Variants in HAS1 observed in about 807,000 individuals in gnomAD.
HAS1 encodes the protein hyaluronan synthase 1.
A neutral mutation model predicts 35.0 loss-of-function variants in HAS1; 27 were observed. The ratio of observed to expected loss-of-function variants is 0.77; its 90% CI spans 0.57 to 1.06. The LOEUF (loss-of-function observed/expected upper bound fraction) is 1.06, where lower values mean the gene tolerates loss of function less well. Ranked by LOEUF, HAS1 falls within the 50% of genes least tolerant of loss-of-function variation. HAS1 has a pLI of 0.00. For synonymous variants in HAS1, 409 were observed against 371.2 expected, an observed-to-expected ratio of 1.10 and a Z score of -1.17; for missense variants, 940 against 814.8, an observed-to-expected ratio of 1.15 and a Z score of -1.87.
intron 1 of HAS1, among the ~76,000 whole-genome samples, chr19:51,721,354 A>G (rs1177280493): frequency 6.6e-6 from 1 of 152,018 alleles, no homozygotes; most frequent in Non-Finnish European, 1.5e-5. Flanking sequence ...CCACTGCCCA[A>G]CTCCCCAGCA....
chr19:51,715,661 T>A (rs898456096), intron 4 of HAS1, among the ~76,000 whole-genome samples: 1 of 152,196 alleles, frequency 6.6e-6, no homozygotes, highest in Non-Finnish European at 1.5e-5. Context: ...TTATCCCAAG[T>A]TTCCTCTGGG....
chr19:51,718,777 T>G (rs546876350), intron 2 of HAS1, among the ~76,000 whole-genome samples: 11 of 152,312 alleles, frequency 7.2e-5, no homozygotes, highest in Non-Finnish European at 1.2e-4. Context: ...CCTCAGGTGA[T>G]CCGCCCACCT....
At chr19:51,720,367 C>T (rs1383905927) in intron 1 of HAS1, among the ~76,000 whole-genome samples, 5 of 152,244 alleles carry the variant, frequency 3.3e-5, no homozygotes, top group East Asian at 1.9e-4. Context: ...TTGCCTGCCC[C>T]GGCCTTCCTA....
chr19:51,720,435 C>T (rs750857401), intron 1 of HAS1, among the ~76,000 whole-genome samples: 9 of 152,156 alleles, frequency 5.9e-5, no homozygotes, highest in Non-Finnish European at 1.2e-4. Context: ...TTTTCATTAA[C>T]GAAAATAATT....
intron 1 of HAS1, among the ~76,000 whole-genome samples, chr19:51,723,469 A>T (rs1017060253): frequency 6.6e-5 from 10 of 152,214 alleles, no homozygotes; most frequent in Non-Finnish European, 1.5e-4. Context: ...GTGGCTCAGT[A>T]TCGGCGATTT....
At chr19:51,718,502 GA>G (rs1053397797) in intron 2 of HAS1, among the ~76,000 whole-genome samples, 1 of 152,090 alleles carries the variant, frequency 6.6e-6, no homozygotes, top group East Asian at 1.9e-4. Context: ...TAAAGAAAAA[GA>G]ATTTCTACAC....
At chr19:51,721,289 A>G (rs1355472601) in intron 1 of HAS1, among the ~76,000 whole-genome samples, 2 of 152,122 alleles carry the variant, frequency 1.3e-5, no homozygotes, top group Non-Finnish European at 2.9e-5. Context: ...TCAGCAGCCC[A>G]TGGTAGAGGA....
At chr19:51,718,471 G>A (rs2083601145) in intron 2 of HAS1, among the ~76,000 whole-genome samples, 1 of 152,186 alleles carries the variant, frequency 6.6e-6, no homozygotes, top group Non-Finnish European at 1.5e-5. Context: ...TGGATGGATA[G>A]ATGGTATATC....
chr19:51,720,073 G>GTGTCTGTCTCTGTGT lies in HAS1; in HGVS notation c.10-179_10-178insACACAGAGACAGACA, dbSNP rs1738244501. 15 of 538,120 alleles carry GTGTCTGTCTCTGTGT rather than the reference G, an allele frequency of 2.8e-5. No individual in the cohort carries two copies. In the South Asian group the frequency reaches 3.1e-4, roughly 11 times the overall value. The allele number at this position is 538,120 out of a possible 1,614,324, so 33.3% of individuals were successfully genotyped here. On this transcript the variant is annotated intron_variant, in intron 1 of 4. Transcript: ENST00000540069. ...CTTTCTCTCTCTCTGTGTCTGTCTCGCTGTCTCTCTCTCTCTCTCGCTCTC... is the reference window on the plus strand; with the variant it reads ...CTTTCTCTCTCTCTGTGTCTGTCTCGTGTCTGTCTCTGTGTCTGTCTCTCTCTCTCTCTCGCTCTC...
rs372838640 is a variant in HAS1 at position 51,713,441 on chromosome 19, G to T, written c.1720C>A (p.Arg574Ser). Residue 574 changes from arginine (R) to serine (S), a missense_variant, in exon 5 of 5, where the codon CGC becomes AGC. Coordinates refer to ENST00000540069, the MANE Select transcript of HAS1 (RefSeq NM_001297436.2). This position sits in a 1 kb window ranked among gnomAD's most constrained non-coding sequence, Gnocchi z 4.5. ...RLCRRRTGGY[R>S]VQV ...CGTGGCTGGACTCACACCTGGACGC[G>T]GTAGCCCCCGGTCCGCCGCCGGCAA... 1 of 1,532,896 alleles carries T rather than the reference G, an allele frequency of 6.5e-7. No individual in the cohort carries two copies. Among genetic ancestry groups the T allele is most frequent in the African/African-American group, 1.4e-5 (1 of 72,388 alleles). The allele number at this position is 1,532,896 out of a possible 1,614,324, so 95.0% of individuals were successfully genotyped here.
Position 51,714,052 on chromosome 19 carries a change from C to A in HAS1, c.1109G>T (p.Arg370Leu), listed in dbSNP as rs372997311. The stretch of plus-strand genomic sequence containing the variant: ...CCAGCGTGTCTGCTGGCTCAGCCAC[C>A]GCAGGAAGGACGAGGGCGTCTCTGA... Reference protein sequence around the residue: ...CYSETPSSFLRWLSQQTRWSK... With the variant: ...CYSETPSSFLLWLSQQTRWSK... The change falls in exon 5 of 5, where the codon CGG becomes CTG. Residue 370 changes from arginine to leucine, a missense_variant. Coordinates refer to ENST00000540069, the MANE Select transcript of HAS1 (RefSeq NM_001297436.2). 2 of 1,613,666 alleles carry A rather than the reference C, an allele frequency of 1.2e-6. No homozygotes were observed. Among genetic ancestry groups the A allele is most frequent in the Non-Finnish European group, 1.7e-6 (2 of 1,179,920 alleles).
At position 51,723,989 on chromosome 19, in the gene HAS1, T is replaced by C; in HGVS notation, c.-56A>G. 6.5e-7 allele frequency: 1 copy of C among 1,532,360 alleles called. No individual in the cohort carries two copies. The highest frequency in any genetic ancestry group is 8.8e-7 in the Non-Finnish European group (1 of 1,140,966). 94.9% of individuals were successfully genotyped at this position (1,532,360 alleles called of 1,614,324 possible). A position where few individuals can be genotyped will look rare whatever the true frequency, so the allele number is the denominator to read the frequency against. Reference sequence around the variant, plus strand: ...CTCCGGCTTGCTCTCCCAGCCTCTCTGTGGCCAGAGAGCTGGAGGGGGGTC... The same window carrying C: ...CTCCGGCTTGCTCTCCCAGCCTCTCCGTGGCCAGAGAGCTGGAGGGGGGTC... On this transcript the variant is annotated 5_prime_UTR_variant, in exon 1 of 5. Transcript: ENST00000540069.
Position 51,713,818 on chromosome 19 carries a change from G to A in HAS1, c.1343C>T (p.Ala448Val), listed in dbSNP as rs780617707. ...GCGCAGGCAGCCCCGCAGCCAGGCC[G>A]CGAAGGCCGCCTTGGCCAGTGCCAC... is the stretch of plus-strand genomic sequence containing the variant. ...QGVALAKAAF[A>V]AWLRGCLRMV... The change falls in exon 5 of 5, where the codon GCG becomes GTG. Residue 448 changes from alanine to valine, a missense_variant. Ala to Val is a moderately conservative substitution (Grantham distance 64). Coordinates refer to ENST00000540069, the MANE Select transcript of HAS1 (RefSeq NM_001297436.2). This position sits in a 1 kb window ranked among gnomAD's most constrained non-coding sequence, Gnocchi z 4.5. 1 of 1,606,170 alleles carries A rather than the reference G, an allele frequency of 6.2e-7. No homozygotes were observed. Among genetic ancestry groups the A allele is most frequent in the Non-Finnish European group, 8.5e-7 (1 of 1,177,862 alleles).
intron 1 of HAS1, among the ~76,000 whole-genome samples, chr19:51,723,713 C>A (rs1057506018): frequency 6.6e-6 from 1 of 152,090 alleles, no homozygotes; most frequent in African/African-American, 2.4e-5. Context: ...GATGGCCGCT[C>A]ACACAGGGCA....
At chr19:51,722,694 T>C (rs1263079693) in intron 1 of HAS1, among the ~76,000 whole-genome samples, 1 of 152,184 alleles carries the variant, frequency 6.6e-6, no homozygotes. Context: ...CATTCATTTG[T>C]TTATACATCA....
In HAS1 at chr19:51,713,448, C is replaced by G. The variant is rs542659968; in HGVS notation, c.1713G>C (p.Gly571=). The change falls in exon 5 of 5, where the codon GGG becomes GGC. Residue 571 remains glycine (G), a synonymous_variant. Coordinates refer to ENST00000540069, the MANE Select transcript of HAS1 (RefSeq NM_001297436.2). This position sits in a 1 kb window ranked among gnomAD's most constrained non-coding sequence, Gnocchi z 4.5. ...GGACTCACACCTGGACGCGGTAGCC[C>G]CCGGTCCGCCGCCGGCAAAGCCTCC... The part of the protein sequence containing the change: ...GVRRLCRRRT[G]GYRVQV 1 of 1,542,314 alleles carries G rather than the reference C, an allele frequency of 6.5e-7. No homozygotes were observed. Among genetic ancestry groups the G allele is most frequent in the Middle Eastern group, 1.8e-4 (1 of 5,688 alleles).
At position 51,717,089 on chromosome 19, in the gene HAS1, G is replaced by T. The variant is rs779544729; in HGVS notation, c.804C>A (p.Ile268=). The change falls in exon 3 of 5, where the codon ATC becomes ATA. Residue 268 remains isoleucine (I), a synonymous_variant. Coordinates refer to ENST00000540069, the MANE Select transcript of HAS1 (RefSeq NM_001297436.2). ...RVGAVGGDVR[I]LNPLDSWVSF... Reference sequence around the variant, plus strand: ...TGACCCAGGAGTCCAGAGGGTTAAGGATCCGCACGTCCCCACCAACAGCCC... The same window carrying T: ...TGACCCAGGAGTCCAGAGGGTTAAGTATCCGCACGTCCCCACCAACAGCCC... 96 of 1,613,892 alleles carry T rather than the reference G, an allele frequency of 5.9e-5. No homozygotes were observed. The Admixed American group carries it at 1.6e-3, about 27-fold the overall frequency.
chr19:51,719,055 G>A (rs1196049634), intron 2 of HAS1, 151 bp downstream of exon 2: 2 of 491,562 alleles, frequency 4.1e-6, no homozygotes, highest in African/African-American at 4.0e-5. Flanking sequence ...ATGGATGAAA[G>A]AATGAGTGAA....
At position 51,713,432 on chromosome 19, in the gene HAS1, C is replaced by T; in HGVS notation, c.1729G>A (p.Val577Met). ...CGGCATCCGCGTGGCTGGACTCACA[C>T]CTGGACGCGGTAGCCCCCGGTCCGC... ...RRRTGGYRVQ[V>M] is the part of the protein sequence containing the mutation. Residue 577 changes from valine to methionine, a missense_variant, in exon 5 of 5, where the codon GTG becomes ATG. Physicochemically the swap from Val to Met is conservative, Grantham distance 21 (BLOSUM62 1). Transcript: ENST00000540069. This position sits in a 1 kb window ranked among gnomAD's most constrained non-coding sequence, Gnocchi z 4.5. 5.9e-6 allele frequency: 9 copies of T among 1,524,968 alleles called. No individual in the cohort carries two copies. Among genetic ancestry groups the T allele is most frequent in the Non-Finnish European group, 7.9e-6 (9 of 1,134,684 alleles). The allele number at this position is 1,524,968 out of a possible 1,614,324, so 94.5% of individuals were successfully genotyped here.
Sources: allele counts gnomAD v4.1 joint callset (sites outside exome capture counted in the v4.1 genomes callset), GRCh38; gene constraint gnomAD v4.1.1; non-coding constraint Gnocchi (gnomAD v3.1); transcripts MANE v1.5; gene names NCBI Gene and HGNC (gene_info 2026-07-23, HGNC 2026-07-21).